Variants in AMZ1 observed in about 807,000 individuals in gnomAD.
AMZ1 encodes archaelysin family metallopeptidase 1, also known as archaemetzincin-1.
Under a neutral mutation model 29.9 loss-of-function variants are expected in AMZ1, and 39 were observed. The observed-to-expected ratio is 1.30, with a 90% CI of 1.01 to 1.70. The LOEUF (loss-of-function observed/expected upper bound fraction) is 1.70, where lower values mean the gene tolerates loss of function less well. AMZ1 is among the 40% of genes most tolerant of loss of function. The probability of loss-of-function intolerance (pLI) is 0.00; values close to 1 mark genes in which losing one functional copy is unlikely to be tolerated. For missense variants in AMZ1, 1,041 were observed against 680.6 expected (o/e 1.53, Z -5.89); for synonymous variants, 458 against 304.0 (o/e 1.51, Z -5.27).
At chr7:2,756,246 C>T (rs1174586558) in intron 4 of AMZ1, among the ~76,000 whole-genome samples, 1 of 151,926 alleles carries the variant, frequency 6.6e-6, no homozygotes, top group African/African-American at 2.4e-5. Context: ...GTGATCTGCA[C>T]ATAACTTAAA....
At chr7:2,690,719 G>A (rs1386911055) in intron 1 of AMZ1, among the ~76,000 whole-genome samples, 7 of 152,158 alleles carry the variant, frequency 4.6e-5, no homozygotes, top group African/African-American at 1.7e-4. Context: ...AAAACTTGTC[G>A]CTGTGGCCCT....
chr7:2,685,456 G>C (rs185682062), upstream of AMZ1, among the ~76,000 whole-genome samples: 18 of 151,980 alleles, frequency 1.2e-4, no homozygotes, highest in East Asian at 3.5e-3. Context: ...TACTTGGGTG[G>C]CTGAGGCAGG....
chr7:2,696,489 C>G (rs921293349), intron 1 of AMZ1, among the ~76,000 whole-genome samples: 58 of 150,700 alleles, frequency 3.8e-4, no homozygotes, highest in Non-Finnish European at 7.2e-4. Context: ...GATCTCCTGA[C>G]CTCGTGATCT....
chr7:2,764,062 T>C (rs1484967446), upstream of AMZ1, among the ~76,000 whole-genome samples: 2 of 152,004 alleles, frequency 1.3e-5, no homozygotes, highest in Non-Finnish European at 2.9e-5. Flanking sequence ...CTCTGATTGG[T>C]TGAGTATTTT....
chr7:2,689,373 G>T (rs543556471), intron 1 of AMZ1, among the ~76,000 whole-genome samples: 2 of 152,074 alleles, frequency 1.3e-5, no homozygotes, highest in Non-Finnish European at 2.9e-5. Flanking sequence ...ACCTCCCTGG[G>T]GGGGGGATGC....
intron 4 of AMZ1, among the ~76,000 whole-genome samples, chr7:2,738,400 T>G (rs1050798776): frequency 6.6e-6 from 1 of 152,134 alleles, no homozygotes; most frequent in Admixed American, 6.5e-5. Flanking sequence ...AACTGTGATC[T>G]CCACGCAGTC....
In AMZ1 at chr7:2,713,612, GTC is replaced by G. The variant is rs1788941764; in HGVS notation, c.*738_*739del. On this transcript the variant is annotated 3_prime_UTR_variant, in exon 7 of 7. Transcript: ENST00000683327. ...CCTAACGGGGAAGTGACGGGGTTTT[GTC>G]TCTATCATCTCAGGCGTCAACCACA... is the stretch of plus-strand genomic sequence containing the variant. 1 of 152,506 alleles carries G rather than the reference GTC, an allele frequency of 6.6e-6. No individual in the cohort carries two copies. Among genetic ancestry groups the G allele is most frequent in the African/African-American group, 2.4e-5 (1 of 41,462 alleles). The allele number at this position is 152,506 out of a possible 1,614,324, so 9.4% of individuals were successfully genotyped here.
chr7:2,690,303 C>T lies in AMZ1; in HGVS notation c.-219+2007C>T, dbSNP rs935224880. On this transcript the variant is annotated intron_variant, in intron 1 of 6. Coordinates refer to ENST00000683327, the MANE Select transcript of AMZ1 (RefSeq NM_001384743.1). ...ATGCAATCATAGCTCACCACAGCCTCGACCTCCAGGGCGAAAGCAATCCTC... is the reference window on the plus strand; with the variant it reads ...ATGCAATCATAGCTCACCACAGCCTTGACCTCCAGGGCGAAAGCAATCCTC... Among the ~76,000 whole-genome samples the T allele has an allele frequency of 3.3e-5, 5 of 152,280 alleles. No homozygotes were observed. The South Asian group carries it at 8.3e-4, about 25-fold the overall frequency.
At chr7:2,719,769 C>T (rs1243117399), downstream of AMZ1, among the ~76,000 whole-genome samples, 5 of 151,922 alleles carry the variant, frequency 3.3e-5, no homozygotes, top group East Asian at 9.7e-4. Flanking sequence ...CAACCTCTGC[C>T]TTCCAGTTTC....
chr7:2,734,424 G>A (rs1790054522), intron 4 of AMZ1, among the ~76,000 whole-genome samples: 3 of 152,228 alleles, frequency 2.0e-5, no homozygotes, highest in Admixed American at 2.0e-4. Flanking sequence ...CAGGGCTTGT[G>A]GGAAGAGCAG....
At chr7:2,735,524 GC>G (rs1460938170) in intron 4 of AMZ1, among the ~76,000 whole-genome samples, 1 of 152,170 alleles carries the variant, frequency 6.6e-6, no homozygotes, top group East Asian at 1.9e-4. Context: ...ATCAGGACAA[GC>G]TCGATGGGAA....
intron 4 of AMZ1, among the ~76,000 whole-genome samples, chr7:2,757,277 A>AG (rs34041136): frequency 1 from 151,916 of 151,916 alleles, 75,958 homozygotes; most frequent in Non-Finnish European, 1. Flanking sequence ...CTGGGACCGC[A>AG]GCGCCCGCCA....
chr7:2,756,764 A>C (rs181194614), intron 4 of AMZ1, among the ~76,000 whole-genome samples: 2 of 152,296 alleles, frequency 1.3e-5, no homozygotes, highest in Admixed American at 1.3e-4. Flanking sequence ...ATGATGGAAC[A>C]TCACTTTTGT....
downstream of AMZ1, among the ~76,000 whole-genome samples, chr7:2,720,368 A>T (rs1395875582): frequency 5.9e-5 from 9 of 152,120 alleles, no homozygotes; most frequent in African/African-American, 2.2e-4. Flanking sequence ...AAAGAGAAAG[A>T]CTAGTGTGTG....
chr7:2,744,988 G>A (rs568242794), intron 4 of AMZ1, among the ~76,000 whole-genome samples: 15 of 152,204 alleles, frequency 9.9e-5, no homozygotes, highest in Admixed American at 6.5e-4. Flanking sequence ...AAAAAGAAAC[G>A]AACAAGGCCT....
At chr7:2,693,407 G>A (rs1485248540) in intron 1 of AMZ1, among the ~76,000 whole-genome samples, 3 of 151,684 alleles carry the variant, frequency 2.0e-5, no homozygotes, top group Non-Finnish European at 2.9e-5. Flanking sequence ...TTGGACACAG[G>A]GTCTTGCTGT....
At chr7:2,734,155 C>G (rs1790040792) in intron 4 of AMZ1, among the ~76,000 whole-genome samples, 3 of 152,170 alleles carry the variant, frequency 2.0e-5, no homozygotes. Context: ...GTGCGAAGGG[C>G]CCTGCGGAAT....
At chr7:2,762,866 C>G, upstream of AMZ1, 1 of 1,452,366 alleles carries the variant, frequency 6.9e-7, no homozygotes, top group South Asian at 1.4e-5. Flanking sequence ...AGGGCCAGCT[C>G]CGAGCCCTGC....
intron 3 of AMZ1, 47 bp downstream of exon 3, chr7:2,702,936 T>TGGAAGGAAGAGGTGGGA: frequency 6.5e-7 from 1 of 1,527,622 alleles, no homozygotes; most frequent in Non-Finnish European, 8.7e-7. Context: ...AGGCCCCTTC[T>TGGAAGGAAGAGGTGGGA]GGAAGGAAGA....
Sources: gnomAD v4.1 joint callset for allele counts (sites outside exome capture counted in the v4.1 genomes callset) on GRCh38, gnomAD v4.1.1 for gene constraint, MANE v1.5 for transcripts, NCBI Gene and HGNC (gene_info 2026-07-23, HGNC 2026-07-21) for gene names.